ERGIC1: variants seen among roughly 807,000 people sequenced by gnomAD.
ERGIC1 encodes endoplasmic reticulum-golgi intermediate compartment 1, also known as endoplasmic reticulum-Golgi intermediate compartment protein 1.
In ERGIC1, 19 loss-of-function variants were observed where a neutral mutation model predicts 38.3. The observed-to-expected ratio is 0.50, with a 90% CI of 0.35 to 0.73. The LOEUF (loss-of-function observed/expected upper bound fraction) is 0.73, where lower values mean the gene tolerates loss of function less well. ERGIC1 is among the 30% of genes least tolerant of loss of function. The pLI is 0.01. For synonymous variants in ERGIC1, 124 were observed against 157.6 expected (o/e 0.79, Z 1.60); for missense variants, 294 against 389.2 (o/e 0.76, Z 2.06).
chr5:172,940,832 G>A (rs1482103642), intron 9 of ERGIC1, among the ~76,000 whole-genome samples: 1 of 152,172 alleles, frequency 6.6e-6, no homozygotes, highest in Non-Finnish European at 1.5e-5. Flanking sequence ...CTAACCTGGG[G>A]ACTAATCCCC....
chr5:172,915,907 A>G (rs182920511), intron 5 of ERGIC1: 7 of 283,414 alleles, frequency 2.5e-5, no homozygotes, highest in African/African-American at 1.1e-4. Context: ...ATCCAGCCCA[A>G]AGATAAATTT....
chr5:172,888,788 T>C (rs1561718914), intron 2 of ERGIC1, 28 bp downstream of exon 2: 1 of 1,598,488 alleles, frequency 6.3e-7, no homozygotes, highest in Admixed American at 1.7e-5. Context: ...GGCCATGCCC[T>C]CTGCCCCATC....
chr5:172,929,692 G>A (rs1337326541), intron 7 of ERGIC1, among the ~76,000 whole-genome samples: 1 of 152,158 alleles, frequency 6.6e-6, no homozygotes. Context: ...AGCCATAGGG[G>A]GTTGACTGAG....
intron 9 of ERGIC1, among the ~76,000 whole-genome samples, chr5:172,943,240 G>A (rs999116335): frequency 6.6e-6 from 1 of 152,126 alleles, no homozygotes; most frequent in South Asian, 2.1e-4. Flanking sequence ...GAGGTGGGGT[G>A]GATGGGTATT....
chr5:172,949,929 C>A (rs773030350), intron 9 of ERGIC1, among the ~76,000 whole-genome samples: 1 of 152,140 alleles, frequency 6.6e-6, no homozygotes, highest in Non-Finnish European at 1.5e-5. Context: ...AAAAATTAGC[C>A]AGGCGCGGTG....
intron 1 of ERGIC1, among the ~76,000 whole-genome samples, chr5:172,842,900 T>G (rs1329583372): frequency 6.6e-6 from 1 of 152,154 alleles, no homozygotes; most frequent in East Asian, 1.9e-4. Context: ...TCCCAGCACT[T>G]TGGGAGGCCA....
At chr5:172,946,072 C>T (rs770712080) in intron 9 of ERGIC1, among the ~76,000 whole-genome samples, 20 of 152,290 alleles carry the variant, frequency 1.3e-4, no homozygotes, top group Non-Finnish European at 2.9e-4. Context: ...ATGCAGCCTC[C>T]AAAGGCTGGG....
chr5:172,901,370 C>A (rs1762871872), intron 3 of ERGIC1, among the ~76,000 whole-genome samples: 1 of 152,130 alleles, frequency 6.6e-6, no homozygotes, highest in Non-Finnish European at 1.5e-5. Context: ...AGGGAGCAGG[C>A]CCCTCCTCAG....
intron 2 of ERGIC1, among the ~76,000 whole-genome samples, chr5:172,892,241 T>C (rs1373512363): frequency 5.3e-5 from 8 of 152,128 alleles, no homozygotes; most frequent in Admixed American, 3.9e-4. Context: ...AATAAATATT[T>C]ATTAACCAGG....
intron 9 of ERGIC1, among the ~76,000 whole-genome samples, chr5:172,941,207 A>C (rs1163267636): frequency 6.6e-6 from 1 of 152,058 alleles, no homozygotes; most frequent in East Asian, 1.9e-4. Context: ...AGATCTTGGC[A>C]GTAAGCCAAG....
At chr5:172,887,473 C>G (rs28369228) in intron 1 of ERGIC1, among the ~76,000 whole-genome samples, 38,549 of 152,090 alleles carry the variant, frequency 0.25, 5,294 homozygotes, top group African/African-American at 0.36. Flanking sequence ...GGGTCTAGTA[C>G]TAATGGTCCC....
chr5:172,860,837 T>C (rs1465566509), intron 1 of ERGIC1, among the ~76,000 whole-genome samples: 1 of 152,170 alleles, frequency 6.6e-6, no homozygotes, highest in East Asian at 1.9e-4. Flanking sequence ...CAAAAACATA[T>C]TCCATAGCCA....
intron 3 of ERGIC1, among the ~76,000 whole-genome samples, chr5:172,902,156 T>A (rs1163805053): frequency 6.6e-6 from 1 of 151,960 alleles, no homozygotes; most frequent in Non-Finnish European, 1.5e-5. Flanking sequence ...CACTGCTTTT[T>A]GATCAGAATA....
chr5:172,848,386 G>C (rs1423895200), intron 1 of ERGIC1, among the ~76,000 whole-genome samples: 1 of 152,174 alleles, frequency 6.6e-6, no homozygotes, highest in Non-Finnish European at 1.5e-5. Context: ...AGTTTATAGA[G>C]AAGGAGCTCA....
chr5:172,893,951 A>G (rs1424127734), intron 2 of ERGIC1, among the ~76,000 whole-genome samples: 2 of 86,884 alleles, frequency 2.3e-5, no homozygotes, highest in Non-Finnish European at 5.2e-5. Context: ...ATATATATAT[A>G]TATTTAAATG....
chr5:172,915,475 G>T, intron 5 of ERGIC1: 1 of 433,686 alleles, frequency 2.3e-6, no homozygotes, highest in Non-Finnish European at 4.9e-6. Flanking sequence ...TACCTTGTCC[G>T]CTCAGAAGGA....
chr5:172,899,001 C>T (rs2113321668), intron 3 of ERGIC1, among the ~76,000 whole-genome samples: 1 of 152,250 alleles, frequency 6.6e-6, no homozygotes, highest in African/African-American at 2.4e-5. Flanking sequence ...CTGGCCTCTG[C>T]AGGCTGTACC....
chr5:172,862,013 T>G (rs1761714549), intron 1 of ERGIC1, among the ~76,000 whole-genome samples: 1 of 151,542 alleles, frequency 6.6e-6, no homozygotes, highest in African/African-American at 2.4e-5. Context: ...TATTTTTAGA[T>G]GAAGTTTTGC....
At chr5:172,891,391 G>GT (rs938882128) in intron 2 of ERGIC1, among the ~76,000 whole-genome samples, 1 of 151,808 alleles carries the variant, frequency 6.6e-6, no homozygotes, top group Non-Finnish European at 1.5e-5. Context: ...TGTCTGGTAT[G>GT]TTTAACAGTC....
Sources: allele counts gnomAD v4.1 joint callset (sites outside exome capture counted in the v4.1 genomes callset), GRCh38; gene constraint gnomAD v4.1.1; transcripts MANE v1.5; gene names NCBI Gene and HGNC (gene_info 2026-07-23, HGNC 2026-07-21).